Variants in OR51B5 observed in about 807,000 individuals in gnomAD.
The protein encoded by OR51B5 is olfactory receptor family 51 subfamily B member 5.
For synonymous variants in OR51B5, 186 were observed against 144.8 expected, an observed-to-expected ratio of 1.28 and a Z score of -2.04; for missense variants, 456 against 374.6, an observed-to-expected ratio of 1.22 and a Z score of -1.79.
At chr11:5,377,507 G>C (rs563997387) in intron 1 of OR51B5, among the ~76,000 whole-genome samples, 31 of 152,228 alleles carry the variant, frequency 2.0e-4, no homozygotes, top group Admixed American at 1.6e-3. Context: ...ATTAAGAAAA[G>C]AGGAAGTCAA....
intron 1 of OR51B5, chr11:5,403,276 T>C: frequency 2.1e-6 from 1 of 471,586 alleles, no homozygotes; most frequent in South Asian, 1.5e-5. Flanking sequence ...CTCCACACTG[T>C]ATTGGGTATT....
intron 1 of OR51B5, among the ~76,000 whole-genome samples, chr11:5,371,366 T>A (rs1053288374): frequency 6.6e-6 from 1 of 152,022 alleles, no homozygotes; most frequent in Non-Finnish European, 1.5e-5. Context: ...ATAGAGACAT[T>A]GATGAAACTG....
chr11:5,441,398 G>A, intron 1 of OR51B5: 1 of 1,613,858 alleles, frequency 6.2e-7, no homozygotes, highest in South Asian at 1.1e-5. Flanking sequence ...CTACAATGGA[G>A]ATCATGTAGA....
At chr11:5,364,530 G>T (rs934758396) in intron 1 of OR51B5, among the ~76,000 whole-genome samples, 14 of 152,188 alleles carry the variant, frequency 9.2e-5, no homozygotes, top group Non-Finnish European at 1.8e-4. Context: ...CCAGCTTTAA[G>T]CACAGTGCTT....
At chr11:5,504,320 C>CT (rs1288666974) in intron 1 of OR51B5, among the ~76,000 whole-genome samples, 2 of 152,206 alleles carry the variant, frequency 1.3e-5, no homozygotes, top group Non-Finnish European at 2.9e-5. Flanking sequence ...GTATTGCAGA[C>CT]TTTAACACGG....
intron 1 of OR51B5, among the ~76,000 whole-genome samples, chr11:5,486,876 G>A (rs1475630680): frequency 6.6e-6 from 1 of 151,844 alleles, no homozygotes; most frequent in Non-Finnish European, 1.5e-5. Flanking sequence ...GCTCTGTTAT[G>A]GTAGGAATCA....
chr11:5,402,738 A>G (rs1849990310), intron 1 of OR51B5: 1 of 471,274 alleles, frequency 2.1e-6, no homozygotes. Context: ...GAATGGCATC[A>G]TTCTTCACGT....
At chr11:5,359,869 A>G (rs1264725044) in intron 1 of OR51B5, among the ~76,000 whole-genome samples, 1 of 152,140 alleles carries the variant, frequency 6.6e-6, no homozygotes, top group Non-Finnish European at 1.5e-5. Context: ...TCTTTGACAA[A>G]CCTGACAAAA....
intron 1 of OR51B5, among the ~76,000 whole-genome samples, chr11:5,407,148 T>C (rs191136769): frequency 3.1e-4 from 47 of 152,278 alleles, no homozygotes; most frequent in African/African-American, 1.1e-3. Flanking sequence ...CTGTGGGGCA[T>C]ATTTCTTGAT....
intron 1 of OR51B5, chr11:5,440,622 G>C (rs1202808627): frequency 1.2e-6 from 2 of 1,613,668 alleles, no homozygotes; most frequent in Admixed American, 1.7e-5. Context: ...GATCTCCTTG[G>C]TTTTCACACT....
intron 1 of OR51B5, chr11:5,453,871 A>T: frequency 6.2e-7 from 1 of 1,613,970 alleles, no homozygotes; most frequent in Non-Finnish European, 8.5e-7. Context: ...GCCATTTGTG[A>T]CCCCTTGCGC....
chr11:5,489,186 C>CGGAG, intron 1 of OR51B5: 2 of 1,612,302 alleles, frequency 1.2e-6, no homozygotes, highest in Non-Finnish European at 1.7e-6. Flanking sequence ...CTATTGTCTC[C>CGGAG]CCCTTCATCT....
In OR51B5 at chr11:5,504,512, T is replaced by TA. The variant is rs144620526; in HGVS notation, n.84+1056dup. ...AGATTTGATCTTGGGCCATGGCTGATAGAGTGTAAGAACAGGGACAGCAGA... is the reference window on the plus strand; with the variant it reads ...AGATTTGATCTTGGGCCATGGCTGATAAGAGTGTAAGAACAGGGACAGCAGA... On this transcript the variant is annotated intron_variant and non_coding_transcript_variant, in intron 1 of 4. Transcript: ENST00000415970. 6.2e-4 allele frequency among the ~76,000 whole-genome samples: 95 copies of TA among 152,318 alleles called. 1 individual carries two copies. Among genetic ancestry groups the TA allele is most frequent in the African/African-American group, 2.2e-3 (92 of 41,562 alleles).
intron 1 of OR51B5, among the ~76,000 whole-genome samples, chr11:5,412,596 C>T (rs555464021): frequency 3.3e-5 from 5 of 152,336 alleles, no homozygotes; most frequent in South Asian, 4.1e-4. Context: ...CCGAATACTG[C>T]GCTTTTCCAA....
intron 1 of OR51B5, among the ~76,000 whole-genome samples, chr11:5,426,988 GA>G (rs1564810099): frequency 2.6e-5 from 4 of 152,052 alleles, no homozygotes; most frequent in Non-Finnish European, 2.9e-5. Flanking sequence ...TGCACGATGA[GA>G]CAACATTTGT....
intron 1 of OR51B5, among the ~76,000 whole-genome samples, chr11:5,369,194 A>G (rs1350289180): frequency 4.0e-5 from 6 of 149,056 alleles, no homozygotes; most frequent in Admixed American, 2.7e-4. Flanking sequence ...CCATTCACAC[A>G]TATAACCTGA....
intron 1 of OR51B5, among the ~76,000 whole-genome samples, chr11:5,444,400 T>C (rs541002182): frequency 5.9e-5 from 9 of 152,230 alleles, no homozygotes; most frequent in African/African-American, 1.9e-4. Context: ...CTCAGTGATA[T>C]GTGGTTTGGT....
chr11:5,477,586 T>G (rs973966511), intron 1 of OR51B5, among the ~76,000 whole-genome samples: 8 of 152,162 alleles, frequency 5.3e-5, no homozygotes, highest in African/African-American at 1.4e-4. Flanking sequence ...ATTTCTGCAT[T>G]TCCATCTGAG....
intron 1 of OR51B5, chr11:5,454,264 C>T (rs745615443): frequency 6.2e-6 from 10 of 1,614,156 alleles, no homozygotes; most frequent in Non-Finnish European, 8.5e-6. Flanking sequence ...ATTGGGGTCT[C>T]CACAGTGCAC....
Sources: gnomAD v4.1 joint callset for allele counts (sites outside exome capture counted in the v4.1 genomes callset) on GRCh38, gnomAD v4.1.1 for gene constraint, MANE v1.5 for transcripts, NCBI Gene and HGNC (gene_info 2026-07-23, HGNC 2026-07-21) for gene names.